Variants in P3H2 observed in about 807,000 individuals in gnomAD.
P3H2 encodes the protein leprecan-like 1.
In P3H2, 80 loss-of-function variants were observed where a neutral mutation model predicts 87.0. The ratio of observed to expected loss-of-function variants is 0.92; its 90% CI spans 0.77 to 1.11. The LOEUF (loss-of-function observed/expected upper bound fraction) is 1.11, where lower values mean the gene tolerates loss of function less well. Ranked by LOEUF, P3H2 falls within the 50% of genes least tolerant of loss-of-function variation. P3H2 has a pLI of 0.00. For synonymous variants in P3H2, 367 were observed against 359.3 expected (o/e 1.02, Z -0.24); for missense variants, 1,001 against 923.9 (o/e 1.08, Z -1.08).
intron 12 of P3H2, chr3:189,971,404 C>A: frequency 4.3e-6 from 1 of 234,860 alleles, no homozygotes; most frequent in South Asian, 5.9e-5. Context: ...GACTATAACT[C>A]CTGATTCCTT....
Position 190,014,574 on chromosome 3 carries a change from T to C in P3H2, c.481-19132A>G, listed in dbSNP as rs552906396. 1.2e-3 allele frequency among the ~76,000 whole-genome samples: 183 copies of C among 152,208 alleles called. 2 individuals carry two copies. Among genetic ancestry groups the C allele is most frequent in the Non-Finnish European group, 1.8e-3 (125 of 67,988 alleles). On this transcript the variant is annotated intron_variant, in intron 1 of 14. Coordinates refer to ENST00000319332, the MANE Select transcript of P3H2 (RefSeq NM_018192.4). ...TCTGAGACTGACGACTGGAGAGAAA[T>C]GGGACATTAGGAAGGAGGAGAGATT... is the stretch of plus-strand genomic sequence containing the variant.
chr3:189,973,803 C>T (rs1016035392), intron 10 of P3H2, 106 bp downstream of exon 10: 17 of 842,012 alleles, frequency 2.0e-5, no homozygotes, highest in Middle Eastern at 4.4e-4. Flanking sequence ...GGATTACAGG[C>T]GTGAGCCACT....
chr3:190,063,395 CT>C (rs1332612270), intron 1 of P3H2, among the ~76,000 whole-genome samples: 2 of 152,188 alleles, frequency 1.3e-5, no homozygotes, highest in African/African-American at 2.4e-5. Context: ...AACTTTTGCT[CT>C]GGTCAATACG....
At chr3:190,078,979 A>G (rs906530922) in intron 1 of P3H2, among the ~76,000 whole-genome samples, 2 of 152,142 alleles carry the variant, frequency 1.3e-5, no homozygotes, top group African/African-American at 2.4e-5. Context: ...TGGAGTCCAC[A>G]TGCTCCAATC....
chr3:190,040,772 G>A (rs530774407), intron 1 of P3H2, among the ~76,000 whole-genome samples: 4 of 151,862 alleles, frequency 2.6e-5, no homozygotes, highest in Non-Finnish European at 4.4e-5. Context: ...AAAATGAGCT[G>A]ATTAGCATGC....
intron 1 of P3H2, among the ~76,000 whole-genome samples, chr3:190,071,932 T>A (rs1726710751): frequency 6.6e-6 from 1 of 151,786 alleles, no homozygotes; most frequent in Non-Finnish European, 1.5e-5. Flanking sequence ...ACATTTAAAA[T>A]TTTTTATACT....
rs751800036 is a variant in P3H2 at position 190,120,650 on chromosome 3, C to A, written c.82G>T (p.Asp28Tyr). 7.2e-6 allele frequency: 11 copies of A among 1,525,942 alleles called. No individual in the cohort carries two copies. The highest frequency in any genetic ancestry group is 2.8e-5 in the African/African-American group (2 of 71,172). 94.5% of individuals were successfully genotyped at this position (1,525,942 alleles called of 1,614,324 possible). The change falls in exon 1 of 15, where the codon GAC becomes TAC. Residue 28 changes from aspartate to tyrosine, a missense_variant. Transcript: ENST00000319332. Reference sequence around the variant, plus strand: ...AGCTCCAGCTCCCGGCGTGGGCTGTCCGGGGGGCCGCCCCACAGTGGCGGC... The same window carrying A: ...AGCTCCAGCTCCCGGCGTGGGCTGTACGGGGGGCCGCCCCACAGTGGCGGC... ...LPPPLWGGPP[D>Y]SPRRELELEP... is the part of the protein sequence containing the mutation.
intron 1 of P3H2, among the ~76,000 whole-genome samples, chr3:190,027,310 A>G (rs1032054372): frequency 2.6e-5 from 4 of 152,216 alleles, no homozygotes; most frequent in Admixed American, 6.5e-5. Context: ...ATGTAAACAC[A>G]TCTTGTGGCA....
At chr3:189,961,266 A>G (rs1285760164) in intron 14 of P3H2, among the ~76,000 whole-genome samples, 1 of 152,166 alleles carries the variant, frequency 6.6e-6, no homozygotes, top group East Asian at 1.9e-4. Flanking sequence ...GATACTTAAC[A>G]AATCGACACA....
chr3:190,048,500 A>G (rs539788357), intron 1 of P3H2, among the ~76,000 whole-genome samples: 2 of 152,254 alleles, frequency 1.3e-5, no homozygotes, highest in Non-Finnish European at 2.9e-5. Context: ...GCCAAAAAAT[A>G]GTTTTGAAAA....
At position 190,055,165 on chromosome 3, in the gene P3H2, T is replaced by C. The variant is rs554983024; in HGVS notation, c.481-59723A>G. Among the ~76,000 whole-genome samples, 436 of 146,500 alleles carry C rather than the reference T, an allele frequency of 3.0e-3. 3 individuals are homozygous for C. The highest frequency in any genetic ancestry group is 0.012 in the African/African-American group (418 of 36,028). The stretch of plus-strand genomic sequence containing the variant: ...ATGTTAAGGAGACCACTGACCCCTG[T>C]TGTCCACAAACAACTTTTAATAGTG... On this transcript the variant is annotated intron_variant, in intron 1 of 14. Transcript: ENST00000319332.
intron 8 of P3H2, among the ~76,000 whole-genome samples, chr3:189,976,723 A>G (rs1407892503): frequency 6.6e-6 from 1 of 152,212 alleles, no homozygotes; most frequent in Non-Finnish European, 1.5e-5. Flanking sequence ...GTGGAATCCC[A>G]TGACACCACC....
intron 1 of P3H2, among the ~76,000 whole-genome samples, chr3:190,062,742 A>C (rs1177130061): frequency 1.3e-5 from 2 of 152,242 alleles, no homozygotes; most frequent in South Asian, 4.1e-4. Context: ...CTTCTGTAAA[A>C]TGGAATTAAT....
intron 1 of P3H2, among the ~76,000 whole-genome samples, chr3:190,101,618 A>T (rs193172547): frequency 2.0e-5 from 3 of 152,074 alleles, no homozygotes; most frequent in Admixed American, 2.0e-4. Flanking sequence ...GTCTGAAGCA[A>T]GCAGAAGTTG....
At chr3:190,012,210 GTGTGT>G (rs879414266) in intron 1 of P3H2, among the ~76,000 whole-genome samples, 1,920 of 17,010 alleles carry the variant, frequency 0.11, 20 homozygotes, top group Non-Finnish European at 0.2. Flanking sequence ...AGGTAAAGGT[GTGTGT>G]GTGTGTGTGT....
intron 13 of P3H2, among the ~76,000 whole-genome samples, chr3:189,964,453 G>A (rs1470083372): frequency 3.3e-5 from 5 of 152,170 alleles, no homozygotes; most frequent in East Asian, 1.9e-4. Flanking sequence ...CAAAGCATCC[G>A]GATACAAGGT....
chr3:190,108,082 C>T (rs1245214216), intron 1 of P3H2, among the ~76,000 whole-genome samples: 8 of 152,062 alleles, frequency 5.3e-5, no homozygotes, highest in Admixed American at 3.3e-4. Flanking sequence ...GTTGGGATTA[C>T]AGGCATGAGG....
chr3:190,042,675 C>G (rs1010246638), intron 1 of P3H2, among the ~76,000 whole-genome samples: 2 of 152,140 alleles, frequency 1.3e-5, no homozygotes, highest in African/African-American at 2.4e-5. Context: ...CTACAGTAAA[C>G]CTTTTGACCT....
At chr3:190,068,508 C>T (rs905960643) in intron 1 of P3H2, among the ~76,000 whole-genome samples, 1 of 152,194 alleles carries the variant, frequency 6.6e-6, no homozygotes, top group African/African-American at 2.4e-5. Flanking sequence ...GGTCTTAAAA[C>T]TGCTAGATTT....
Sources: allele counts gnomAD v4.1 joint callset (sites outside exome capture counted in the v4.1 genomes callset), GRCh38; gene constraint gnomAD v4.1.1; transcripts MANE v1.5; gene names NCBI Gene and HGNC (gene_info 2026-07-23, HGNC 2026-07-21).